The following BABAM2 variants were observed in gnomAD, a reference collection of about 807,000 sequenced individuals.
BABAM2 encodes BRISC and BRCA1-A complex member 2.
In BABAM2, 31 loss-of-function variants were observed where a neutral mutation model predicts 54.7. That is an observed-to-expected ratio of 0.57 (90% CI 0.43 to 0.77). The LOEUF (loss-of-function observed/expected upper bound fraction) is 0.77. BABAM2 is among the 30% of genes least tolerant of loss of function. BABAM2 has a pLI of 0.00. For missense variants in BABAM2, 364 were observed against 455.8 expected (o/e 0.80, Z 1.83); for synonymous variants, 167 against 162.9 (o/e 1.03, Z -0.19).
intron 2 of BABAM2, among the ~76,000 whole-genome samples, chr2:27,918,926 G>A (rs1373927747): frequency 6.6e-6 from 1 of 152,242 alleles, no homozygotes; most frequent in East Asian, 1.9e-4. Flanking sequence ...TTGAGCTCAA[G>A]TGATCCACCT....
At chr2:28,177,464 G>C (rs947918507) in intron 7 of BABAM2, among the ~76,000 whole-genome samples, 1 of 148,306 alleles carries the variant, frequency 6.7e-6, no homozygotes, top group Non-Finnish European at 1.5e-5. Context: ...ACACCCAAAA[G>C]TATAAAACTC....
Position 28,184,263 on chromosome 2 carries a change from CCTCT to C in BABAM2, c.681-52919_681-52916del, listed in dbSNP as rs757881813. On this transcript the variant is annotated intron_variant, in intron 7 of 11. Transcript: ENST00000379624. ...GTCTCTCTCTCTCCCTCCCTCCCTCCCTCTCTCTCTCTCTCTCTCTCTCCCCCCC... is the reference window on the plus strand; with the variant it reads ...GTCTCTCTCTCTCCCTCCCTCCCTCCCTCTCTCTCTCTCTCTCTCCCCCCC... Among the ~76,000 whole-genome samples the C allele has an allele frequency of 4.0e-4, 24 of 59,402 alleles. No individual in the cohort carries two copies. In the South Asian group the frequency reaches 0.012, roughly 30 times the overall value. The allele number at this position is 59,402 out of a possible 152,430, so 39.0% of individuals were successfully genotyped here. A position where few individuals can be genotyped will look rare whatever the true frequency, so the allele number is the denominator to read the frequency against.
intron 5 of BABAM2, among the ~76,000 whole-genome samples, chr2:28,041,867 T>C (rs1249455705): frequency 6.6e-6 from 1 of 152,126 alleles, no homozygotes; most frequent in Non-Finnish European, 1.5e-5. Flanking sequence ...GTCATGAGAA[T>C]AAACTGCAGG....
chr2:28,119,388 C>G (rs1668873464), intron 6 of BABAM2, among the ~76,000 whole-genome samples: 2 of 152,162 alleles, frequency 1.3e-5, no homozygotes, highest in Admixed American at 1.3e-4. Context: ...AAGGATTCCC[C>G]TCACCCAACC....
At chr2:28,161,007 A>G (rs1359431039) in intron 7 of BABAM2, among the ~76,000 whole-genome samples, 1 of 152,180 alleles carries the variant, frequency 6.6e-6, no homozygotes, top group African/African-American at 2.4e-5. Context: ...GTTCTCTGTG[A>G]ATTTATTAAT....
At chr2:28,225,206 G>A (rs2148024449) in intron 7 of BABAM2, among the ~76,000 whole-genome samples, 1 of 152,328 alleles carries the variant, frequency 6.6e-6, no homozygotes, top group East Asian at 1.9e-4. Context: ...GCCACAAGCT[G>A]TCTGTAGGTG....
chr2:27,932,392 T>A (rs1668159182), intron 3 of BABAM2, among the ~76,000 whole-genome samples: 1 of 152,218 alleles, frequency 6.6e-6, no homozygotes, highest in African/African-American at 2.4e-5. Flanking sequence ...TGAATTATTT[T>A]AATTTTCCCT....
chr2:28,019,163 C>T (rs1435829038), intron 4 of BABAM2, among the ~76,000 whole-genome samples: 4 of 152,132 alleles, frequency 2.6e-5, no homozygotes, highest in Non-Finnish European at 5.9e-5. Flanking sequence ...ACCCATGTCC[C>T]TGAAAAGGAC....
At chr2:28,103,073 G>A (rs1453330383) in intron 6 of BABAM2, among the ~76,000 whole-genome samples, 1 of 151,554 alleles carries the variant, frequency 6.6e-6, no homozygotes, top group African/African-American at 2.4e-5. Context: ...ATATGGTCCT[G>A]ATGTGATATC....
In BABAM2 at chr2:28,292,468, C is replaced by T. The variant is rs529110504; in HGVS notation, c.935-5870C>T. Among the ~76,000 whole-genome samples the T allele has an allele frequency of 7.9e-5, 12 of 152,272 alleles. No individual in the cohort carries two copies. The East Asian group carries it at 1.7e-3, about 22-fold the overall frequency. On this transcript the variant is annotated intron_variant, in intron 10 of 11. Coordinates refer to ENST00000379624, the MANE Select transcript of BABAM2 (RefSeq NM_199191.3). ...CTTGAACAGAAGCTTCAGAAAATAACGTTTCCTTAGATGCCTTTGACTGCA... is the reference window on the plus strand; with the variant it reads ...CTTGAACAGAAGCTTCAGAAAATAATGTTTCCTTAGATGCCTTTGACTGCA...
At chr2:28,138,086 T>C (rs1670702773) in intron 7 of BABAM2, among the ~76,000 whole-genome samples, 1 of 152,240 alleles carries the variant, frequency 6.6e-6, no homozygotes, top group Admixed American at 6.5e-5. Flanking sequence ...CATTACTGTT[T>C]TATGCAGTTG....
chr2:28,243,133 G>A (rs1429398021), intron 9 of BABAM2, among the ~76,000 whole-genome samples: 1 of 152,102 alleles, frequency 6.6e-6, no homozygotes, highest in Admixed American at 6.6e-5. Context: ...TATTATGCAT[G>A]TAGTACAGTA....
At chr2:28,257,014 C>T (rs1246626913) in intron 10 of BABAM2, among the ~76,000 whole-genome samples, 1 of 152,060 alleles carries the variant, frequency 6.6e-6, no homozygotes, top group Non-Finnish European at 1.5e-5. Flanking sequence ...AAGTACTTTA[C>T]AGCAATACAT....
At chr2:28,015,950 T>C in intron 4 of BABAM2, 1 of 590,462 alleles carries the variant, frequency 1.7e-6, no homozygotes, top group Non-Finnish European at 3.1e-6. Flanking sequence ...TATATCTTTC[T>C]CTTTTTTCTG....
intron 9 of BABAM2, among the ~76,000 whole-genome samples, chr2:28,242,177 C>T (rs1168663967): frequency 6.6e-6 from 1 of 152,174 alleles, no homozygotes; most frequent in Non-Finnish European, 1.5e-5. Context: ...CCCCAGCACT[C>T]AGGTCTCCTG....
At chr2:27,974,533 A>G (rs1003106575) in intron 3 of BABAM2, among the ~76,000 whole-genome samples, 13 of 152,138 alleles carry the variant, frequency 8.5e-5, no homozygotes, top group African/African-American at 3.1e-4. Flanking sequence ...GATGCAGAAA[A>G]AACTAAAATT....
intron 7 of BABAM2, among the ~76,000 whole-genome samples, chr2:28,133,411 C>T (rs1178225482): frequency 2.6e-5 from 4 of 152,226 alleles, no homozygotes; most frequent in African/African-American, 9.7e-5. Context: ...CCAAAGCCAA[C>T]GTCAAACTCT....
chr2:27,977,542 T>C (rs1380551442), intron 3 of BABAM2, among the ~76,000 whole-genome samples: 1 of 152,202 alleles, frequency 6.6e-6, no homozygotes, highest in African/African-American at 2.4e-5. Context: ...AGAAGCATAA[T>C]AGGAGTCACT....
intron 11 of BABAM2, among the ~76,000 whole-genome samples, chr2:28,337,343 G>A (rs575820491): frequency 7.5e-4 from 114 of 152,242 alleles, no homozygotes; most frequent in African/African-American, 2.0e-3. Flanking sequence ...ACTGTGGCCC[G>A]CGGGACTGCC....
Sources: allele counts gnomAD v4.1 joint callset (sites outside exome capture counted in the v4.1 genomes callset), GRCh38; gene constraint gnomAD v4.1.1; transcripts MANE v1.5; gene names NCBI Gene and HGNC (gene_info 2026-07-23, HGNC 2026-07-21).